SULT1B1: variants seen among roughly 807,000 people sequenced by gnomAD.
The protein encoded by SULT1B1 is sulfotransferase family 1B member 1, also known as sulfotransferase 1B1.
In SULT1B1, 28 loss-of-function variants were observed where a neutral mutation model predicts 34.6. The observed-to-expected ratio is 0.81, with a 90% CI of 0.60 to 1.11. The LOEUF (loss-of-function observed/expected upper bound fraction) is 1.11, where lower values mean the gene tolerates loss of function less well. SULT1B1 is among the 50% of genes least tolerant of loss of function. The pLI is 0.00. For missense variants in SULT1B1, 374 were observed against 352.2 expected (o/e 1.06, Z -0.50); for synonymous variants, 147 against 110.2 (o/e 1.33, Z -2.09).
intron 1 of SULT1B1, among the ~76,000 whole-genome samples, chr4:69,759,597 T>C (rs1448698561): frequency 6.6e-6 from 1 of 152,128 alleles, no homozygotes. Flanking sequence ...TCATGACCAG[T>C]GGATAAATGA....
Position 69,755,151 on chromosome 4 carries a change from C to G in SULT1B1, c.67G>C (p.Ala23Pro), listed in dbSNP as rs1185726931. ...KLVHGYPMTC[A>P]FASNWEKIEQ... ...ATTTTTTCCCAGTTGCTTGCAAAAG[C>G]ACAGGTCATGGGATAACCATGGACC... The change falls in exon 2 of 8, where the codon GCT becomes CCT. Residue 23 changes from alanine (A) to proline (P), a missense_variant. Ala to Pro is a conservative substitution (Grantham distance 27). Coordinates refer to ENST00000310613, the MANE Select transcript of SULT1B1 (RefSeq NM_014465.4). 6.2e-7 allele frequency: 1 copy of G among 1,613,870 alleles called. No individual in the cohort carries two copies. The highest frequency in any genetic ancestry group is 1.3e-5 in the African/African-American group (1 of 74,934).
chr4:69,746,151 T>C (rs116530844), intron 4 of SULT1B1, among the ~76,000 whole-genome samples: 2,085 of 152,324 alleles, frequency 0.014, 89 homozygotes, highest in Non-Finnish European at 0.011. Context: ...TTATTTCACA[T>C]TGACCTCGGC....
At chr4:69,736,144 TGAAG>T (rs1718301376) in intron 4 of SULT1B1, among the ~76,000 whole-genome samples, 2 of 152,224 alleles carry the variant, frequency 1.3e-5, no homozygotes, top group South Asian at 4.1e-4. Flanking sequence ...CAGCCTTCCA[TGAAG>T]GAAGCATATA....
At chr4:69,753,442 C>G (rs1330206893) in intron 3 of SULT1B1, among the ~76,000 whole-genome samples, 2 of 152,124 alleles carry the variant, frequency 1.3e-5, no homozygotes, top group Non-Finnish European at 2.9e-5. Flanking sequence ...GCATAAAACC[C>G]TTCAATATCT....
In SULT1B1 at chr4:69,725,468, C is replaced by G. The variant is rs1717799263; in HGVS notation, c.*1620G>C. The G allele has an allele frequency of 6.6e-6, 1 of 152,154 alleles. No homozygotes were observed. Among genetic ancestry groups the G allele is most frequent in the African/African-American group, 2.4e-5 (1 of 41,430 alleles). The allele number at this position is 152,154 out of a possible 1,614,324, so 9.4% of individuals were successfully genotyped here. ...CATTGTGGAAGACAGTGTGGCAATT[C>G]CTCAGAGATCTAGAACTAGAAATAC... On this transcript the variant is annotated 3_prime_UTR_variant, in exon 8 of 8. Transcript: ENST00000310613.
chr4:69,742,247 G>A (rs1316414467), intron 4 of SULT1B1, among the ~76,000 whole-genome samples: 1 of 152,034 alleles, frequency 6.6e-6, no homozygotes, highest in African/African-American at 2.4e-5. Flanking sequence ...TTAGATTTTT[G>A]ATGTACTCCT....
chr4:69,733,764 A>G (rs950710246), intron 5 of SULT1B1, among the ~76,000 whole-genome samples: 7 of 152,164 alleles, frequency 4.6e-5, no homozygotes, highest in Admixed American at 3.9e-4. Context: ...CATAAAGAAG[A>G]AAACTATTAT....
Position 69,727,071 on chromosome 4 carries a change from T to G in SULT1B1, c.*17A>C, listed in dbSNP as rs780199988. On this transcript the variant is annotated 3_prime_UTR_variant, in exon 8 of 8. Coordinates refer to ENST00000310613, the MANE Select transcript of SULT1B1 (RefSeq NM_014465.4). ...ACAGACAATCTCTTATTTCTTCAGATGTGTGATTTAGACACTTTAAATCTC... is the reference window on the plus strand; with the variant it reads ...ACAGACAATCTCTTATTTCTTCAGAGGTGTGATTTAGACACTTTAAATCTC... The G allele has an allele frequency of 2.6e-6, 4 of 1,566,476 alleles. No homozygotes were observed. The South Asian group carries it at 4.6e-5, about 18-fold the overall frequency.
Position 69,755,055 on chromosome 4 carries a change from G to A in SULT1B1, c.148+15C>T, listed in dbSNP as rs750756296. 51 of 1,595,554 alleles carry A rather than the reference G, an allele frequency of 3.2e-5. No homozygotes were observed. Among genetic ancestry groups the A allele is most frequent in the Non-Finnish European group, 4.1e-5 (48 of 1,166,108 alleles). ...AATGAGGTCGGACTTGAATTTGTCA[G>A]GCCACAGAACTCACCTGATTTAGGA... On this transcript the variant is annotated intron_variant, in intron 2 of 7. Transcript: ENST00000310613.
chr4:69,727,336 T>TTGTGTG (rs1179867071), intron 7 of SULT1B1, 136 bp from the exon 8 acceptor site: 1 of 541,626 alleles, frequency 1.8e-6, no homozygotes, highest in Admixed American at 4.1e-5. Context: ...AGTCTTTAAA[T>TTGTGTG]TGTATTAACC....
At chr4:69,745,021 T>C (rs969802130) in intron 4 of SULT1B1, among the ~76,000 whole-genome samples, 12 of 152,344 alleles carry the variant, frequency 7.9e-5, no homozygotes, top group Non-Finnish European at 4.4e-5. Flanking sequence ...ATTTAACTTC[T>C]GTGTAATTGT....
chr4:69,730,693 TA>T lies in SULT1B1; in HGVS notation c.598-13del, dbSNP rs763112141. 6.2e-6 allele frequency: 10 copies of T among 1,607,208 alleles called. No individual in the cohort carries two copies. The highest frequency in any genetic ancestry group is 6.8e-6 in the Non-Finnish European group (8 of 1,177,262). On this transcript the variant is annotated splice_polypyrimidine_tract_variant and intron_variant, in intron 6 of 7. Transcript: ENST00000310613. ...TCCTCCTTTGGATTCTATTAGTGGG[TA>T]AAACCCAAGACAATAAACAAGTAAC... is the stretch of plus-strand genomic sequence containing the variant.
In SULT1B1 at chr4:69,758,245, G is replaced by A. The variant is rs942851793; in HGVS notation, c.-45+2214C>T. 7 of 936,014 alleles carry A rather than the reference G, an allele frequency of 7.5e-6. No individual in the cohort carries two copies. The Admixed American group carries it at 3.7e-4, about 49-fold the overall frequency. 58.0% of individuals were successfully genotyped at this position (936,014 alleles called of 1,614,324 possible). ...CTGTAAGCAGTGTACTTGGGATGAA[G>A]TTGGTATTGAATAAATTGAATGAAG... On this transcript the variant is annotated intron_variant, in intron 1 of 7. Coordinates refer to ENST00000310613, the MANE Select transcript of SULT1B1 (RefSeq NM_014465.4).
At chr4:69,746,443 A>G (rs1718748621) in intron 4 of SULT1B1, among the ~76,000 whole-genome samples, 1 of 152,102 alleles carries the variant, frequency 6.6e-6, no homozygotes, top group African/African-American at 2.4e-5. Context: ...TGTTGATTCA[A>G]AGGAACAGTC....
Position 69,724,336 on chromosome 4 carries a change from G to C in SULT1B1, c.*2752C>G, listed in dbSNP as rs564606394. ...CAAGGGATGTGAAGGATCACTTCAA[G>C]GAGAACTACAAACCACTGCTCAATG... On this transcript the variant is annotated 3_prime_UTR_variant, in exon 8 of 8. Coordinates refer to ENST00000310613, the MANE Select transcript of SULT1B1 (RefSeq NM_014465.4). 54 of 152,300 alleles carry C rather than the reference G, an allele frequency of 3.5e-4. No homozygotes were observed. The highest frequency in any genetic ancestry group is 1.2e-3 in the African/African-American group (51 of 41,560). 9.4% of individuals were successfully genotyped at this position (152,300 alleles called of 1,614,324 possible).
chr4:69,737,398 GAAAAGA>G (rs1560523817), intron 4 of SULT1B1, among the ~76,000 whole-genome samples: 2 of 152,040 alleles, frequency 1.3e-5, no homozygotes, highest in East Asian at 1.9e-4. Flanking sequence ...GAAAACTTTA[GAAAAGA>G]AAAAGAAAAA....
At chr4:69,738,530 TG>T (rs1560524331) in intron 4 of SULT1B1, among the ~76,000 whole-genome samples, 1 of 152,114 alleles carries the variant, frequency 6.6e-6, no homozygotes, top group African/African-American at 2.4e-5. Context: ...GAGAACATCA[TG>T]GGGGAAACTG....
rs553746846 is a variant in SULT1B1 at position 69,737,058 on chromosome 4, G to A, written c.376-2794C>T. 4.6e-5 allele frequency among the ~76,000 whole-genome samples: 7 copies of A among 151,274 alleles called. No individual in the cohort carries two copies. The East Asian group carries it at 1.4e-3, about 29-fold the overall frequency. ...AACTATGTCAAGAAACATCATAAAA[G>A]TACTTCTAAAATTTAAAGATGAATA... On this transcript the variant is annotated intron_variant, in intron 4 of 7. Coordinates refer to ENST00000310613, the MANE Select transcript of SULT1B1 (RefSeq NM_014465.4).
intron 3 of SULT1B1, among the ~76,000 whole-genome samples, chr4:69,753,130 T>C (rs1719043663): frequency 6.6e-6 from 1 of 152,200 alleles, no homozygotes; most frequent in Non-Finnish European, 1.5e-5. Context: ...TTTAATTCAT[T>C]ATAATTTTCT....
Sources: gnomAD v4.1 joint callset for allele counts (sites outside exome capture counted in the v4.1 genomes callset) on GRCh38, gnomAD v4.1.1 for gene constraint, MANE v1.5 for transcripts, NCBI Gene and HGNC (gene_info 2026-07-23, HGNC 2026-07-21) for gene names.